GRM3: variants seen among roughly 807,000 people sequenced by gnomAD.
GRM3 encodes glutamate metabotropic receptor 3.
GRM3 carries 26 observed loss-of-function variants against 70.5 expected under a neutral mutation model. The observed-to-expected ratio is 0.37, with a 90% CI of 0.27 to 0.51. The LOEUF is 0.51. Ranked by LOEUF, GRM3 falls within the 20% of genes least tolerant of loss-of-function variation. GRM3 has a pLI of 0.93. For synonymous variants in GRM3, 443 were observed against 434.9 expected (o/e 1.02, Z -0.23); for missense variants, 859 against 1,123.8 (o/e 0.76, Z 3.37).
In GRM3 at chr7:86,739,001, TCTCA is replaced by T. The variant is rs766610783; in HGVS notation, c.-140-25997_-140-25994del. Among the ~76,000 whole-genome samples, 6 of 152,290 alleles carry T rather than the reference TCTCA, an allele frequency of 3.9e-5. No homozygotes were observed. In the South Asian group the frequency reaches 6.2e-4, roughly 16 times the overall value. On this transcript the variant is annotated intron_variant, in intron 1 of 5. Coordinates refer to ENST00000361669, the MANE Select transcript of GRM3 (RefSeq NM_000840.3). ...TCTCTTTTTGTTTGTTTTCAGACAATCTCACTCACTCTGTCACCCAGGCTGGAGT... is the reference window on the plus strand; with the variant it reads ...TCTCTTTTTGTTTGTTTTCAGACAATCTCACTCTGTCACCCAGGCTGGAGT...
chr7:86,718,062 T>C (rs980536808), intron 1 of GRM3, among the ~76,000 whole-genome samples: 2 of 152,022 alleles, frequency 1.3e-5, no homozygotes, highest in South Asian at 4.1e-4. Flanking sequence ...TAGTGTTTTA[T>C]AAGCAAAATT....
intron 1 of GRM3, among the ~76,000 whole-genome samples, chr7:86,729,198 A>T (rs1795663031): frequency 1.3e-5 from 2 of 152,174 alleles, no homozygotes; most frequent in Non-Finnish European, 2.9e-5. Flanking sequence ...AGGATTCCCA[A>T]GCTGGACTGT....
chr7:86,754,220 A>G (rs1199388121), intron 1 of GRM3, among the ~76,000 whole-genome samples: 3 of 152,150 alleles, frequency 2.0e-5, no homozygotes, highest in African/African-American at 7.2e-5. Flanking sequence ...CTTGAAGAAC[A>G]TCAGTTAGGC....
chr7:86,765,720 C>A lies in GRM3; in HGVS notation c.468+107C>A, dbSNP rs1223330990. The A allele has an allele frequency of 4.7e-6, 4 of 849,130 alleles. No homozygotes were observed. The East Asian group carries it at 8.0e-5, about 17-fold the overall frequency. The allele number at this position is 849,130 out of a possible 1,614,324, so 52.6% of individuals were successfully genotyped here. A position where few individuals can be genotyped will look rare whatever the true frequency, so the allele number is the denominator to read the frequency against. ...TAACGTCATCAACGGATTATATCAA[C>A]AATGCAATTATTAATTTTTCTAGTT... On this transcript the variant is annotated intron_variant, in intron 2 of 5. Coordinates refer to ENST00000361669, the MANE Select transcript of GRM3 (RefSeq NM_000840.3).
intron 1 of GRM3, among the ~76,000 whole-genome samples, chr7:86,674,070 A>G (rs555560745): frequency 3.9e-5 from 6 of 152,238 alleles, no homozygotes; most frequent in African/African-American, 1.4e-4. Context: ...AAATGTAGCC[A>G]TTTAAAACAA....
At chr7:86,696,525 T>C (rs1417089929) in intron 1 of GRM3, among the ~76,000 whole-genome samples, 1 of 152,220 alleles carries the variant, frequency 6.6e-6, no homozygotes, top group East Asian at 1.9e-4. Context: ...TCTCCAGAAC[T>C]GCAAGAGAAT....
chr7:86,720,110 G>T (rs1211194638), intron 1 of GRM3, among the ~76,000 whole-genome samples: 3 of 151,958 alleles, frequency 2.0e-5, no homozygotes, highest in Non-Finnish European at 4.4e-5. Flanking sequence ...AGATGATGGT[G>T]GTCTGGACTA....
intron 1 of GRM3, among the ~76,000 whole-genome samples, chr7:86,713,167 G>A (rs1475901430): frequency 6.6e-6 from 1 of 151,992 alleles, no homozygotes; most frequent in African/African-American, 2.4e-5. Flanking sequence ...TTCGATAAGA[G>A]CCGTTTTAAC....
intron 3 of GRM3, among the ~76,000 whole-genome samples, chr7:86,820,557 T>A (rs1798099239): frequency 6.6e-6 from 1 of 152,122 alleles, no homozygotes; most frequent in South Asian, 2.1e-4. Context: ...ACCCCAAAGG[T>A]ACTGGGTCCC....
chr7:86,752,295 C>T (rs912742467), intron 1 of GRM3, among the ~76,000 whole-genome samples: 4 of 152,034 alleles, frequency 2.6e-5, no homozygotes, highest in Non-Finnish European at 4.4e-5. Flanking sequence ...CTAGCTCTGC[C>T]TTTATTACTT....
intron 3 of GRM3, among the ~76,000 whole-genome samples, chr7:86,790,776 C>A (rs1308275842): frequency 6.6e-6 from 1 of 151,928 alleles, no homozygotes; most frequent in Admixed American, 6.6e-5. Flanking sequence ...GTGGTTAATC[C>A]ATTCCCTACT....
In GRM3 at chr7:86,658,133, C is replaced by A. The variant is rs377718736; in HGVS notation, c.-141+13261C>A. ...AAGCCAACATAGTCTCTCTCCAGGG[C>A]TCTGCAAGAGCCACCTACTGGCTTC... On this transcript the variant is annotated intron_variant, in intron 1 of 5. Coordinates refer to ENST00000361669, the MANE Select transcript of GRM3 (RefSeq NM_000840.3). Among the ~76,000 whole-genome samples the A allele has an allele frequency of 3.3e-5, 5 of 152,338 alleles. No homozygotes were observed. In the South Asian group the frequency reaches 1.0e-3, roughly 32 times the overall value.
intron 3 of GRM3, among the ~76,000 whole-genome samples, chr7:86,816,945 A>C (rs868500582): frequency 7.6e-6 from 1 of 131,364 alleles, no homozygotes; most frequent in Non-Finnish European, 1.6e-5. Flanking sequence ...AAGATGAAGA[A>C]AGAGAAAAAG....
intron 1 of GRM3, among the ~76,000 whole-genome samples, chr7:86,655,853 G>GTGTGTGTGTGTGTGTGT (rs1562814701): frequency 7.4e-6 from 1 of 134,658 alleles, no homozygotes; most frequent in Admixed American, 7.1e-5. Flanking sequence ...TGTGTGTGTG[G>GTGTGTGTGTGTGTGTGT]GTGGGTGGGT....
intron 1 of GRM3, among the ~76,000 whole-genome samples, chr7:86,753,166 A>C (rs993897505): frequency 1.3e-5 from 2 of 152,092 alleles, no homozygotes; most frequent in Non-Finnish European, 2.9e-5. Flanking sequence ...GATGGGGATC[A>C]TTTGGAGAGT....
intron 5 of GRM3, among the ~76,000 whole-genome samples, chr7:86,861,990 G>C (rs1264892097): frequency 1.3e-5 from 2 of 152,208 alleles, no homozygotes; most frequent in African/African-American, 4.8e-5. Flanking sequence ...CGTAAATCTA[G>C]AGGTGAGTGA....
chr7:86,645,982 G>GGT (rs1793452611), intron 1 of GRM3, among the ~76,000 whole-genome samples: 1 of 24,472 alleles, frequency 4.1e-5, no homozygotes, highest in African/African-American at 1.6e-4. Context: ...CTTTGTGGTG[G>GGT]GCGGGGGGGT....
chr7:86,834,185 A>C (rs1057455305), intron 3 of GRM3, among the ~76,000 whole-genome samples: 1 of 152,208 alleles, frequency 6.6e-6, no homozygotes, highest in Non-Finnish European at 1.5e-5. Flanking sequence ...CACTTATAAG[A>C]AATCAGAAAA....
chr7:86,715,949 A>G (rs1012630314), intron 1 of GRM3, among the ~76,000 whole-genome samples: 4 of 152,060 alleles, frequency 2.6e-5, no homozygotes, highest in African/African-American at 9.7e-5. Context: ...AGCAATGGTG[A>G]TTTCATCTTT....
Sources: allele counts gnomAD v4.1 joint callset (sites outside exome capture counted in the v4.1 genomes callset), GRCh38; gene constraint gnomAD v4.1.1; transcripts MANE v1.5; gene names NCBI Gene and HGNC (gene_info 2026-07-23, HGNC 2026-07-21).